The following DIP2C variants were observed in gnomAD, a reference collection of about 807,000 sequenced individuals.
DIP2C encodes DIP2 acetate--CoA ligase C (putative).
A neutral mutation model predicts 192.4 loss-of-function variants in DIP2C; 33 were observed. The ratio of observed to expected loss-of-function variants is 0.17; its 90% CI spans 0.13 to 0.23. The LOEUF is 0.23. Ranked by LOEUF, DIP2C falls within the 10% of genes least tolerant of loss-of-function variation. DIP2C has a pLI of 1.00. For synonymous variants in DIP2C, 979 were observed against 864.1 expected (o/e 1.13, Z -2.33); for missense variants, 1,537 against 2,110.1 (o/e 0.73, Z 5.32).
At chr10:671,507 CAG>C (rs1168000900) in intron 1 of DIP2C, among the ~76,000 whole-genome samples, 5 of 100,362 alleles carry the variant, frequency 5.0e-5, no homozygotes, top group East Asian at 2.9e-4. Flanking sequence ...ACGGAGGAAA[CAG>C]GCCACAGACG....
chr10:579,845 T>C (rs1389086823), intron 1 of DIP2C, among the ~76,000 whole-genome samples: 1 of 151,992 alleles, frequency 6.6e-6, no homozygotes, highest in Admixed American at 6.5e-5. Context: ...TACACACATC[T>C]GTACAGTGTA....
chr10:408,700 C>T (rs1964981147), intron 9 of DIP2C, among the ~76,000 whole-genome samples: 1 of 152,196 alleles, frequency 6.6e-6, no homozygotes, highest in African/African-American at 2.4e-5. Flanking sequence ...TAAACTGGGG[C>T]ATAAAGCATG....
At chr10:508,234 A>AC (rs1306319539) in intron 1 of DIP2C, among the ~76,000 whole-genome samples, 2 of 151,732 alleles carry the variant, frequency 1.3e-5, no homozygotes, top group South Asian at 2.1e-4. Context: ...TCCAAATCTT[A>AC]CCCATGTCAG....
chr10:334,270 G>A (rs1402839580), intron 29 of DIP2C, among the ~76,000 whole-genome samples: 1 of 119,276 alleles, frequency 8.4e-6, no homozygotes, highest in African/African-American at 3.2e-5. Context: ...TCAAGCTACT[G>A]CACTCCAGCC....
chr10:440,085 C>A (rs998957196), intron 4 of DIP2C, among the ~76,000 whole-genome samples: 2 of 152,134 alleles, frequency 1.3e-5, no homozygotes, highest in Non-Finnish European at 2.9e-5. Flanking sequence ...ACACTTTCTG[C>A]TTTACTTGGG....
intron 3 of DIP2C, among the ~76,000 whole-genome samples, chr10:447,660 C>G (rs1455576061): frequency 1.5e-5 from 2 of 135,280 alleles, no homozygotes; most frequent in South Asian, 2.2e-4. Context: ...CAGCAGGACC[C>G]AATCACCCCC....
chr10:437,346 C>CAT (rs1254603179), intron 4 of DIP2C, among the ~76,000 whole-genome samples: 1 of 146,002 alleles, frequency 6.8e-6, no homozygotes, highest in African/African-American at 2.6e-5. Flanking sequence ...GTAGGGTGGC[C>CAT]ATGCTCCACC....
chr10:591,074 A>C (rs1000952582), intron 1 of DIP2C, among the ~76,000 whole-genome samples: 31 of 145,906 alleles, frequency 2.1e-4, no homozygotes, highest in African/African-American at 7.8e-4. Context: ...AAATGAAAGA[A>C]GCCGCCACCT....
intron 1 of DIP2C, among the ~76,000 whole-genome samples, chr10:640,945 G>A (rs946164535): frequency 1.3e-5 from 2 of 152,094 alleles, no homozygotes; most frequent in African/African-American, 4.8e-5. Flanking sequence ...TCATCGGACT[G>A]GGCACACGCA....
chr10:390,383 A>G lies in DIP2C; in HGVS notation c.1385-10T>C. The G allele has an allele frequency of 6.2e-7, 1 of 1,612,172 alleles. No homozygotes were observed. The highest frequency in any genetic ancestry group is 8.5e-7 in the Non-Finnish European group (1 of 1,178,462). On this transcript the variant is annotated splice_polypyrimidine_tract_variant and intron_variant, in intron 11 of 36. Transcript: ENST00000280886. ...AGCAGCTTTGGCCAACCTTGGAAAT[A>G]AACAACAAGTTCCTTTTAAATGTTA...
In DIP2C at chr10:355,188, C is replaced by G. The variant is rs978195508; in HGVS notation, c.2985+1238G>C. ...CCAGAAGGTGGTGGCAGAAACGGGCCTTCCTGGTTTTAAAGCCTCTTCCTG... is the reference window on the plus strand; with the variant it reads ...CCAGAAGGTGGTGGCAGAAACGGGCGTTCCTGGTTTTAAAGCCTCTTCCTG... On this transcript the variant is annotated intron_variant, in intron 24 of 36. Transcript: ENST00000280886. Among the ~76,000 whole-genome samples the G allele has an allele frequency of 7.9e-5, 12 of 152,156 alleles. 1 individual carries two copies. Among genetic ancestry groups the G allele is most frequent in the Admixed American group, 3.3e-4 (5 of 15,274 alleles).
intron 1 of DIP2C, among the ~76,000 whole-genome samples, chr10:673,745 C>T (rs987261907): frequency 6.6e-6 from 1 of 152,180 alleles, no homozygotes; most frequent in Non-Finnish European, 1.5e-5. Context: ...CTGATTTTAT[C>T]CAGAATCCTA....
Position 277,233 on chromosome 10 carries a change from T to C in DIP2C, c.*92A>G, listed in dbSNP as rs1009008198. ...ACTCTCACCACAAATGGCTGTATTCTGGTGAGTGTTGCCCTGTGTCTGCAC... is the reference window on the plus strand; with the variant it reads ...ACTCTCACCACAAATGGCTGTATTCCGGTGAGTGTTGCCCTGTGTCTGCAC... On this transcript the variant is annotated 3_prime_UTR_variant, in exon 37 of 37. Transcript: ENST00000280886. 4.5e-6 allele frequency: 7 copies of C among 1,540,628 alleles called. No individual in the cohort carries two copies. In the African/African-American group the frequency reaches 6.8e-5, roughly 15 times the overall value.
chr10:495,945 C>T (rs1026400289), intron 1 of DIP2C, among the ~76,000 whole-genome samples: 8 of 150,824 alleles, frequency 5.3e-5, no homozygotes, highest in Non-Finnish European at 1.2e-4. Context: ...CCCACGGTGC[C>T]TTCCCGTGTA....
chr10:644,330 A>C (rs1460698131), intron 1 of DIP2C, among the ~76,000 whole-genome samples: 1 of 152,276 alleles, frequency 6.6e-6, no homozygotes, highest in Non-Finnish European at 1.5e-5. Flanking sequence ...CCCTGACAGC[A>C]ACTCTGTTTA....
rs866878009 is a variant in DIP2C at position 443,349 on chromosome 10, G to A, written c.269-2353C>T. On this transcript the variant is annotated intron_variant, in intron 3 of 36. Coordinates refer to ENST00000280886, the MANE Select transcript of DIP2C (RefSeq NM_014974.3). ...ACTTCTGTCAATATGAACTCATGGAGTCTGGCTTGGTGGGTCATAATTCAT... is the reference window on the plus strand; with the variant it reads ...ACTTCTGTCAATATGAACTCATGGAATCTGGCTTGGTGGGTCATAATTCAT... Among the ~76,000 whole-genome samples the A allele has an allele frequency of 8.5e-5, 13 of 152,116 alleles. 1 individual carries two copies. Among genetic ancestry groups the A allele is most frequent in the Admixed American group, 3.3e-4 (5 of 15,276 alleles).
chr10:617,769 C>T (rs899445839), intron 1 of DIP2C, among the ~76,000 whole-genome samples: 5 of 151,628 alleles, frequency 3.3e-5, no homozygotes, highest in African/African-American at 7.3e-5. Context: ...TGACCTGCCA[C>T]ACAGGGCAAC....
chr10:349,398 G>A lies in DIP2C; in HGVS notation c.3042C>T (p.Ile1014=), dbSNP rs145616105. 8.1e-6 allele frequency: 13 copies of A among 1,611,318 alleles called. No homozygotes were observed. In the African/African-American group the frequency reaches 1.2e-4, roughly 15 times the overall value. The change falls in exon 25 of 37, where the codon ATC becomes ATT. Residue 1014 remains isoleucine, a synonymous_variant. Transcript: ENST00000280886. ...GGCCCCTCTCCATCAGCATCACGGC[G>A]ATCTTCTCAGCTCTCTTGTGCAGCT... The part of the protein sequence containing the change: ...CVQLHKRAEK[I]AVMLMERGHL...
intron 1 of DIP2C, among the ~76,000 whole-genome samples, chr10:612,765 C>A (rs1246173924): frequency 6.6e-6 from 1 of 152,188 alleles, no homozygotes; most frequent in African/African-American, 2.4e-5. Context: ...CACACATGTT[C>A]ATTGCTTTGA....
Sources: allele counts gnomAD v4.1 joint callset (sites outside exome capture counted in the v4.1 genomes callset), GRCh38; gene constraint gnomAD v4.1.1; transcripts MANE v1.5; gene names NCBI Gene and HGNC (gene_info 2026-07-23, HGNC 2026-07-21).